PSMD1: variants seen among roughly 807,000 people sequenced by gnomAD.
The protein encoded by PSMD1 is 26S proteasome non-ATPase regulatory subunit 1.
A neutral mutation model predicts 119.0 loss-of-function variants in PSMD1; 18 were observed. The observed-to-expected ratio is 0.15, with a 90% CI of 0.10 to 0.22. The LOEUF is 0.22. Among genes scored for constraint, PSMD1 ranks in the 10% least tolerant of loss-of-function variants. The probability of loss-of-function intolerance (pLI) is 1.00; values close to 1 mark genes in which losing one functional copy is unlikely to be tolerated. For missense variants in PSMD1, 702 were observed against 1,158.5 expected, an observed-to-expected ratio of 0.61 and a Z score of 5.72; for synonymous variants, 374 against 396.6, an observed-to-expected ratio of 0.94 and a Z score of 0.68.
At chr2:231,159,578 A>T (rs1696587687) in intron 19 of PSMD1, among the ~76,000 whole-genome samples, 1 of 152,090 alleles carries the variant, frequency 6.6e-6, no homozygotes, top group Admixed American at 6.5e-5. Context: ...CTTATTCCTT[A>T]TTTGTTTACT....
rs1695971445 is a variant in PSMD1, at chr2:231,136,631, T to G, written c.1884-2105T>G. Among the ~76,000 whole-genome samples the G allele has an allele frequency of 1.3e-5, 2 of 152,198 alleles. 1 individual carries two copies. Among genetic ancestry groups the G allele is most frequent in the South Asian group, 4.1e-4 (2 of 4,836 alleles). ...TGACATTCAAGACACTGTATCATTT[T>G]GCTCTTAATTGCCTTTCCACTTTTA... On this transcript the variant is annotated intron_variant, in intron 16 of 24. Transcript: ENST00000308696.
intron 16 of PSMD1, among the ~76,000 whole-genome samples, chr2:231,119,271 CA>C (rs1695448441): frequency 6.6e-6 from 1 of 152,120 alleles, no homozygotes; most frequent in Non-Finnish European, 1.5e-5. Context: ...TACTGCTATA[CA>C]TTTGTTTCAT....
At chr2:231,159,811 C>T (rs1017368523) in intron 19 of PSMD1, among the ~76,000 whole-genome samples, 1 of 152,024 alleles carries the variant, frequency 6.6e-6, no homozygotes, top group African/African-American at 2.4e-5. Context: ...TTTTTTTCTA[C>T]GACGGGGGTG....
At chr2:231,115,674 G>A (rs781694363) in intron 16 of PSMD1, among the ~76,000 whole-genome samples, 6 of 152,264 alleles carry the variant, frequency 3.9e-5, no homozygotes, top group Admixed American at 1.3e-4. Context: ...TGATCTTGCA[G>A]ATGAGTAAAT....
At chr2:231,059,146 C>G (rs1297868451) in intron 1 of PSMD1, among the ~76,000 whole-genome samples, 2 of 152,196 alleles carry the variant, frequency 1.3e-5, no homozygotes, top group East Asian at 3.8e-4. Context: ...ATATAATAGA[C>G]TTTAAGCCTC....
intron 16 of PSMD1, among the ~76,000 whole-genome samples, chr2:231,103,235 C>T (rs1005421890): frequency 2.6e-5 from 4 of 152,270 alleles, no homozygotes; most frequent in East Asian, 1.9e-4. Flanking sequence ...CTTCTTACAC[C>T]AGTTTTCTTG....
chr2:231,167,376 C>G (rs919267419), intron 23 of PSMD1, among the ~76,000 whole-genome samples: 3 of 152,218 alleles, frequency 2.0e-5, no homozygotes, highest in African/African-American at 7.2e-5. Flanking sequence ...TGAACTAAGA[C>G]AGTGAGGCAC....
chr2:231,122,813 A>G (rs1695591043), intron 16 of PSMD1, among the ~76,000 whole-genome samples: 1 of 152,184 alleles, frequency 6.6e-6, no homozygotes, highest in Non-Finnish European at 1.5e-5. Context: ...TCGATAGATC[A>G]TCTCTTTGGA....
chr2:231,122,158 G>A (rs1695567461), intron 16 of PSMD1, among the ~76,000 whole-genome samples: 1 of 152,078 alleles, frequency 6.6e-6, no homozygotes, highest in Non-Finnish European at 1.5e-5. Context: ...TTAATTATTA[G>A]AAAGTCTAAT....
intron 16 of PSMD1, among the ~76,000 whole-genome samples, chr2:231,112,736 T>C (rs1695196015): frequency 6.6e-6 from 1 of 152,220 alleles, no homozygotes; most frequent in South Asian, 2.1e-4. Flanking sequence ...TACTTCATGA[T>C]AAGAAGTATA....
chr2:231,069,308 C>T (rs1693982838), intron 5 of PSMD1, among the ~76,000 whole-genome samples: 1 of 148,986 alleles, frequency 6.7e-6, no homozygotes. Flanking sequence ...TGATATAACT[C>T]TGTTATTTTT....
chr2:231,133,894 G>A (rs1695909382), intron 16 of PSMD1, among the ~76,000 whole-genome samples: 1 of 152,228 alleles, frequency 6.6e-6, no homozygotes, highest in African/African-American at 2.4e-5. Flanking sequence ...TGATATGGCA[G>A]TGACTTATGC....
intron 16 of PSMD1, among the ~76,000 whole-genome samples, chr2:231,136,541 A>G (rs1321344294): frequency 1.3e-5 from 2 of 152,220 alleles, no homozygotes; most frequent in African/African-American, 2.4e-5. Flanking sequence ...GTTCACAGGT[A>G]TCTCCTTAAT....
rs113261309 is a variant in PSMD1 at position 231,141,305 on chromosome 2, G to GAA, written c.1998+2468_1998+2469dup. Among the ~76,000 whole-genome samples, 159 of 78,334 alleles carry GAA rather than the reference G, an allele frequency of 2.0e-3. 1 individual carries two copies. The highest frequency in any genetic ancestry group is 8.8e-3 in the Middle Eastern group (1 of 114). The allele number at this position is 78,334 out of a possible 152,430, so 51.4% of individuals were successfully genotyped here. On this transcript the variant is annotated intron_variant, in intron 17 of 24. Transcript: ENST00000308696. ...ACAAGAGTGGGACTCTGTCTCAAAA[G>GAA]AAAAAAAAAAAAAAGCTATTTTTCA...
At position 231,080,904 on chromosome 2, in the gene PSMD1, A is replaced by G. The variant is rs550269245; in HGVS notation, c.1413+590A>G. Among the ~76,000 whole-genome samples the G allele has an allele frequency of 2.0e-5, 3 of 152,286 alleles. No individual in the cohort carries two copies. In the South Asian group the frequency reaches 6.2e-4, roughly 32 times the overall value. ...ACGCCTGTAATTCCAGCACTTTGGA[A>G]GGCCGAGGCGGGTGGATCACCTGAA... On this transcript the variant is annotated intron_variant, in intron 12 of 24. Transcript: ENST00000308696.
chr2:231,107,908 C>T (rs868566910), intron 16 of PSMD1, among the ~76,000 whole-genome samples: 7 of 152,352 alleles, frequency 4.6e-5, no homozygotes, highest in Middle Eastern at 3.4e-3. Flanking sequence ...ATTTAACAAA[C>T]AGGTCTAGTT....
At chr2:231,151,473 A>G (rs1382084462) in intron 18 of PSMD1, among the ~76,000 whole-genome samples, 1 of 152,202 alleles carries the variant, frequency 6.6e-6, no homozygotes, top group African/African-American at 2.4e-5. Flanking sequence ...AAAAAAATTT[A>G]AAATGATAAA....
Position 231,170,640 on chromosome 2 carries a change from A to G in PSMD1, c.2790A>G (p.Ala930=), listed in dbSNP as rs1200234373. 3 of 1,614,176 alleles carry G rather than the reference A, an allele frequency of 1.9e-6. No individual in the cohort carries two copies. The highest frequency in any genetic ancestry group is 2.5e-6 in the Non-Finnish European group (3 of 1,180,016). Residue 930 remains alanine, a synonymous_variant, in exon 24 of 25, where the codon GCA becomes GCG. Coordinates refer to ENST00000308696, the MANE Select transcript of PSMD1 (RefSeq NM_002807.4). This position sits in a 1 kb window ranked among gnomAD's most constrained non-coding sequence, Gnocchi z 4.1. Reference sequence around the variant, plus strand: ...AGGAGCTGGTGGAACCTGTGGCAGCACATGGCCCAAAAATCGAGGAGGAGG... The same window carrying G: ...AGGAGCTGGTGGAACCTGTGGCAGCGCATGGCCCAAAAATCGAGGAGGAGG... ...DIEELVEPVA[A]HGPKIEEEEQ...
chr2:231,057,149 G>A, intron 1 of PSMD1, 108 bp downstream of exon 1: 4 of 1,364,728 alleles, frequency 2.9e-6, no homozygotes, highest in Non-Finnish European at 3.8e-6. Context: ...CGCCGGCCTG[G>A]GCAGCTTCTT....
Sources: allele counts gnomAD v4.1 joint callset (sites outside exome capture counted in the v4.1 genomes callset), GRCh38; gene constraint gnomAD v4.1.1; non-coding constraint Gnocchi (gnomAD v3.1); transcripts MANE v1.5; gene names NCBI Gene and HGNC (gene_info 2026-07-23, HGNC 2026-07-21).